CNNM2: variants seen among roughly 807,000 people sequenced by gnomAD.
The protein encoded by CNNM2 is cyclin and CBS domain divalent metal cation transport mediator 2.
CNNM2 carries 12 observed loss-of-function variants against 66.9 expected under a neutral mutation model. The ratio of observed to expected loss-of-function variants is 0.18; its 90% CI spans 0.11 to 0.29. The LOEUF (loss-of-function observed/expected upper bound fraction) is 0.29. Among genes scored for constraint, CNNM2 ranks in the 10% least tolerant of loss-of-function variants. CNNM2 has a pLI of 1.00. For missense variants in CNNM2, 705 were observed against 1,167.7 expected, an observed-to-expected ratio of 0.60 and a Z score of 5.77; for synonymous variants, 557 against 501.8, an observed-to-expected ratio of 1.11 and a Z score of -1.47.
At chr10:103,032,121 C>G (rs2064836214) in intron 1 of CNNM2, among the ~76,000 whole-genome samples, 1 of 152,066 alleles carries the variant, frequency 6.6e-6, no homozygotes, top group East Asian at 1.9e-4. Context: ...CCCCTTGATC[C>G]CTGGTTGAAA....
chr10:103,042,436 A>C (rs1212138156), intron 1 of CNNM2, among the ~76,000 whole-genome samples: 2 of 152,058 alleles, frequency 1.3e-5, no homozygotes, highest in Non-Finnish European at 2.9e-5. Flanking sequence ...TCTCCACAGC[A>C]CTTGAACACG....
intron 1 of CNNM2, among the ~76,000 whole-genome samples, chr10:102,995,845 C>G (rs751894352): frequency 2.0e-5 from 3 of 151,982 alleles, no homozygotes; most frequent in Non-Finnish European, 4.4e-5. Context: ...GGAGTACAGG[C>G]ATGCACCACT....
intron 1 of CNNM2, among the ~76,000 whole-genome samples, chr10:103,007,486 A>G (rs1330333711): frequency 1.3e-5 from 2 of 152,124 alleles, no homozygotes; most frequent in Non-Finnish European, 2.9e-5. Context: ...ACCACGTAAG[A>G]CAGACACTCC....
chr10:102,931,995 C>T (rs1371077310), intron 1 of CNNM2, among the ~76,000 whole-genome samples: 1 of 152,060 alleles, frequency 6.6e-6, no homozygotes, highest in Non-Finnish European at 1.5e-5. Flanking sequence ...AATGTCTATG[C>T]AGTTCTTTTG....
chr10:102,923,341 C>T (rs1845727243), intron 1 of CNNM2, among the ~76,000 whole-genome samples: 1 of 152,178 alleles, frequency 6.6e-6, no homozygotes, highest in Non-Finnish European at 1.5e-5. Flanking sequence ...TTATATGAAT[C>T]ACCTTGTTTA....
At chr10:102,972,253 C>G (rs932507451) in intron 1 of CNNM2, among the ~76,000 whole-genome samples, 1 of 152,120 alleles carries the variant, frequency 6.6e-6, no homozygotes, top group African/African-American at 2.4e-5. Flanking sequence ...AGCATATATG[C>G]TGTGATTTCC....
chr10:102,954,126 C>CTTTTTTTTTT (rs35543663), intron 1 of CNNM2, among the ~76,000 whole-genome samples: 4 of 133,074 alleles, frequency 3.0e-5, no homozygotes, highest in Non-Finnish European at 6.4e-5. Flanking sequence ...CTTTTCTTTT[C>CTTTTTTTTTT]TTTTTTTTTT....
intron 1 of CNNM2, among the ~76,000 whole-genome samples, chr10:103,043,555 GGTAATCCA>G (rs2065079411): frequency 6.6e-6 from 1 of 152,158 alleles, no homozygotes; most frequent in Non-Finnish European, 1.5e-5. Flanking sequence ...ATGCAAATGT[GGTAATCCA>G]CTACCATTCT....
chr10:103,024,205 TTGAG>T (rs1277684149), intron 1 of CNNM2, among the ~76,000 whole-genome samples: 3 of 152,186 alleles, frequency 2.0e-5, no homozygotes, highest in Admixed American at 1.3e-4. Context: ...TTTCATGACA[TTGAG>T]TATTTTTTCA....
Position 103,077,318 on chromosome 10 carries a change from C to G in CNNM2, c.*138C>G. 1 of 745,134 alleles carries G rather than the reference C, an allele frequency of 1.3e-6. No individual in the cohort carries two copies. Among genetic ancestry groups the G allele is most frequent in the South Asian group, 1.9e-5 (1 of 52,266 alleles). The allele number at this position is 745,134 out of a possible 1,614,324, so 46.2% of individuals were successfully genotyped here. A position where few individuals can be genotyped will look rare whatever the true frequency, so the allele number is the denominator to read the frequency against. On this transcript the variant is annotated 3_prime_UTR_variant, in exon 8 of 8. Transcript: ENST00000369878. ...ATCCTGAGACCAAAGACCTTGTGCC[C>G]TTCCCAGGAGCCGCGGAGGAGGACA...
At chr10:103,024,236 A>G (rs1564849874) in intron 1 of CNNM2, among the ~76,000 whole-genome samples, 2 of 152,290 alleles carry the variant, frequency 1.3e-5, no homozygotes, top group South Asian at 4.1e-4. Context: ...TGACTTTTTA[A>G]TAAGTTTAAA....
chr10:102,999,423 A>C (rs2064071727), intron 1 of CNNM2, among the ~76,000 whole-genome samples: 1 of 151,972 alleles, frequency 6.6e-6, no homozygotes, highest in Non-Finnish European at 1.5e-5. Context: ...CTGATAATGA[A>C]ATTAAGAAAA....
chr10:103,042,297 G>A (rs990724352), intron 1 of CNNM2, among the ~76,000 whole-genome samples: 8 of 152,110 alleles, frequency 5.3e-5, no homozygotes, highest in African/African-American at 1.9e-4. Flanking sequence ...CCCTGGCTTG[G>A]CTTACTGGTA....
intron 1 of CNNM2, among the ~76,000 whole-genome samples, chr10:102,997,604 A>G (rs1273700121): frequency 1.3e-5 from 2 of 152,080 alleles, no homozygotes; most frequent in African/African-American, 2.4e-5. Context: ...TAGACCAACT[A>G]AGTTTGTAAA....
chr10:102,918,994 A>G lies in CNNM2; in HGVS notation c.514A>G (p.Ile172Val). ...CATTCTCAACCGCCGCACCTCGGGC[A>G]TCATCGAGATCGAGATCAAACCGCT... is the stretch of plus-strand genomic sequence containing the variant. ...HIILNRRTSG[I>V]IEIEIKPLRK... The change falls in exon 1 of 8, where the codon ATC (isoleucine) becomes GTC (valine). Residue 172 changes from isoleucine (I) to valine (V), a missense_variant. Physicochemically the swap from Ile to Val is conservative, Grantham distance 29. Transcript: ENST00000369878. This position sits in a 1 kb window ranked among gnomAD's most constrained non-coding sequence, Gnocchi z 4.1. The G allele has an allele frequency of 1.2e-6, 2 of 1,612,840 alleles. No individual in the cohort carries two copies. Among genetic ancestry groups the G allele is most frequent in the Non-Finnish European group, 1.7e-6 (2 of 1,179,516 alleles).
At chr10:102,930,979 A>G (rs1209978976) in intron 1 of CNNM2, among the ~76,000 whole-genome samples, 16 of 152,156 alleles carry the variant, frequency 1.1e-4, no homozygotes, top group African/African-American at 3.6e-4. Flanking sequence ...TTTGCCTATT[A>G]ATAATGATTC....
chr10:103,089,987 G>C lies in CNNM2; in HGVS notation c.*12807G>C. The C allele has an allele frequency of 8.6e-7, 1 of 1,159,220 alleles. No homozygotes were observed. Among genetic ancestry groups the C allele is most frequent in the Non-Finnish European group, 1.2e-6 (1 of 828,612 alleles). 71.8% of individuals were successfully genotyped at this position (1,159,220 alleles called of 1,614,324 possible). On this transcript the variant is annotated 3_prime_UTR_variant, in exon 8 of 8. Coordinates refer to ENST00000369878, the MANE Select transcript of CNNM2 (RefSeq NM_017649.5). ...CCCCAAATCCTAACCCCTCTCCTCT[G>C]TTAGGTGGCCATGCAATTACATCTA...
intron 1 of CNNM2, among the ~76,000 whole-genome samples, chr10:102,934,343 C>A (rs189819220): frequency 6.9e-6 from 1 of 145,214 alleles, no homozygotes. Flanking sequence ...TGCTGTGGTG[C>A]GATCTCTGCT....
intron 1 of CNNM2, among the ~76,000 whole-genome samples, chr10:103,029,437 C>CT (rs1450561258): frequency 2.0e-5 from 3 of 151,980 alleles, no homozygotes; most frequent in Non-Finnish European, 4.4e-5. Flanking sequence ...GCACTCCAGC[C>CT]TGGGTGACAG....
Sources: gnomAD v4.1 joint callset for allele counts (sites outside exome capture counted in the v4.1 genomes callset) on GRCh38, gnomAD v4.1.1 for gene constraint, Gnocchi (gnomAD v3.1) non-coding constraint, MANE v1.5 for transcripts, NCBI Gene and HGNC (gene_info 2026-07-23, HGNC 2026-07-21) for gene names.